GALNTL6: variants seen among roughly 807,000 people sequenced by gnomAD.
The protein encoded by GALNTL6 is polypeptide N-acetylgalactosaminyltransferase-like 6.
In GALNTL6, 46 loss-of-function variants were observed where a neutral mutation model predicts 73.7. The observed-to-expected ratio is 0.62, with a 90% CI of 0.49 to 0.80. The LOEUF is 0.80. Among genes scored for constraint, GALNTL6 ranks in the 30% least tolerant of loss-of-function variants. The pLI, the probability that GALNTL6 is intolerant of heterozygous loss-of-function variation, is 0.00. For synonymous variants in GALNTL6, 259 were observed against 263.7 expected (o/e 0.98, Z 0.17); for missense variants, 604 against 755.0 (o/e 0.80, Z 2.34).
chr4:172,238,715 C>T (rs1310021379), intron 3 of GALNTL6, among the ~76,000 whole-genome samples: 9 of 151,912 alleles, frequency 5.9e-5, no homozygotes, highest in African/African-American at 1.9e-4. Context: ...TTTGTCTGTT[C>T]TGTATGATAT....
chr4:172,225,420 T>C (rs1245134576), intron 2 of GALNTL6, among the ~76,000 whole-genome samples: 1 of 151,392 alleles, frequency 6.6e-6, no homozygotes, highest in Non-Finnish European at 1.5e-5. Flanking sequence ...AATTTGACTT[T>C]TTTTTTTTTT....
chr4:172,986,658 T>C (rs1751300865), intron 10 of GALNTL6, among the ~76,000 whole-genome samples: 1 of 152,210 alleles, frequency 6.6e-6, no homozygotes, highest in Admixed American at 6.5e-5. Flanking sequence ...GGAGGTGGCA[T>C]TGCAGATGGG....
At chr4:172,854,210 T>A (rs2111117329) in intron 7 of GALNTL6, among the ~76,000 whole-genome samples, 1 of 152,294 alleles carries the variant, frequency 6.6e-6, no homozygotes, top group South Asian at 2.1e-4. Flanking sequence ...CACCTTCCCA[T>A]CCACTTTGGC....
At chr4:171,934,843 C>G (rs145854894) in intron 2 of GALNTL6, among the ~76,000 whole-genome samples, 3 of 152,124 alleles carry the variant, frequency 2.0e-5, no homozygotes, top group African/African-American at 7.2e-5. Context: ...TAACCAATTT[C>G]TCTTTAAATC....
chr4:171,979,080 C>T (rs1052214223), intron 2 of GALNTL6, among the ~76,000 whole-genome samples: 2 of 152,094 alleles, frequency 1.3e-5, no homozygotes, highest in Non-Finnish European at 2.9e-5. Flanking sequence ...GCTTACTTCA[C>T]CTAAATTTTC....
intron 9 of GALNTL6, among the ~76,000 whole-genome samples, chr4:172,932,379 G>T (rs1195657288): frequency 6.6e-6 from 1 of 152,166 alleles, no homozygotes; most frequent in Non-Finnish European, 1.5e-5. Context: ...ACTTTTTAAT[G>T]AGTATAACAA....
rs192992308 is a variant in GALNTL6, at chr4:172,772,566, T to C, written c.554-36795T>C. On this transcript the variant is annotated intron_variant, in intron 5 of 12. Coordinates refer to ENST00000506823, the MANE Select transcript of GALNTL6 (RefSeq NM_001034845.3). ...TGAGAAATTTAGGGAAGTATTGTTT[T>C]CTTACAGTTTCATTGGTCTGTTTAT... Among the ~76,000 whole-genome samples, 510 of 127,024 alleles carry C rather than the reference T, an allele frequency of 4.0e-3. 2 individuals carry two copies. The highest frequency in any genetic ancestry group is 0.013 in the African/African-American group (500 of 37,876). 83.3% of individuals were successfully genotyped at this position (127,024 alleles called of 152,430 possible).
chr4:172,350,453 TG>T (rs1405533197), intron 5 of GALNTL6, among the ~76,000 whole-genome samples: 1 of 152,100 alleles, frequency 6.6e-6, no homozygotes, highest in African/African-American at 2.4e-5. Flanking sequence ...TCATGTTAGA[TG>T]GGAAGAAAGT....
chr4:171,996,917 A>G (rs1740511770), intron 2 of GALNTL6, among the ~76,000 whole-genome samples: 1 of 152,152 alleles, frequency 6.6e-6, no homozygotes, highest in Admixed American at 6.6e-5. Context: ...TGAAGTTTAT[A>G]GAACTAGATC....
chr4:172,293,807 A>G (rs1300605124), intron 3 of GALNTL6, among the ~76,000 whole-genome samples: 1 of 151,560 alleles, frequency 6.6e-6, no homozygotes, highest in Non-Finnish European at 1.5e-5. Context: ...GCACATAGTA[A>G]TCACAGCATA....
intron 2 of GALNTL6, among the ~76,000 whole-genome samples, chr4:172,143,059 T>C (rs1733842740): frequency 6.6e-6 from 1 of 152,176 alleles, no homozygotes; most frequent in South Asian, 2.1e-4. Flanking sequence ...AAGCATTTAC[T>C]GGCTGCCTAT....
At chr4:172,117,399 A>G (rs966696545) in intron 2 of GALNTL6, among the ~76,000 whole-genome samples, 8 of 152,186 alleles carry the variant, frequency 5.3e-5, no homozygotes, top group Non-Finnish European at 1.5e-5. Flanking sequence ...ATTATGTGAC[A>G]GGCACGCTTA....
chr4:172,284,835 C>G (rs1739192150), intron 3 of GALNTL6, among the ~76,000 whole-genome samples: 3 of 152,040 alleles, frequency 2.0e-5, no homozygotes, highest in Admixed American at 6.6e-5. Flanking sequence ...TATTCTGTTC[C>G]ATTGGTCTAT....
chr4:173,036,701 G>T (rs1016622792), intron 12 of GALNTL6, among the ~76,000 whole-genome samples: 1 of 152,210 alleles, frequency 6.6e-6, no homozygotes, highest in Non-Finnish European at 1.5e-5. Flanking sequence ...TGAATAGCCA[G>T]AGCACAGGCC....
intron 10 of GALNTL6, among the ~76,000 whole-genome samples, chr4:172,997,792 C>A (rs1254338686): frequency 6.6e-6 from 1 of 152,048 alleles, no homozygotes; most frequent in Non-Finnish European, 1.5e-5. Flanking sequence ...CCGTAAATAC[C>A]CTGACTTGGT....
At chr4:172,065,906 G>C (rs2110890662) in intron 2 of GALNTL6, among the ~76,000 whole-genome samples, 1 of 152,266 alleles carries the variant, frequency 6.6e-6, no homozygotes, top group African/African-American at 2.4e-5. Context: ...CGTGAGAACA[G>C]CATGGGGGAA....
At chr4:171,907,439 G>A (rs1382091225) in intron 2 of GALNTL6, among the ~76,000 whole-genome samples, 1 of 151,650 alleles carries the variant, frequency 6.6e-6, no homozygotes, top group Non-Finnish European at 1.5e-5. Flanking sequence ...ACTTACAAGG[G>A]ATGTGAAGGA....
At chr4:172,909,359 T>TA (rs33941800) in intron 8 of GALNTL6, among the ~76,000 whole-genome samples, 150,942 of 151,144 alleles carry the variant, frequency 1, 75,371 homozygotes, top group Middle Eastern at 1. Flanking sequence ...TTCATTTACA[T>TA]AAAATATTAT....
chr4:172,540,293 G>T (rs1246023933), intron 5 of GALNTL6, among the ~76,000 whole-genome samples: 1 of 151,864 alleles, frequency 6.6e-6, no homozygotes. Context: ...GCCCACCTGG[G>T]CCTCCCAGAG....
Sources: allele counts gnomAD v4.1 joint callset (sites outside exome capture counted in the v4.1 genomes callset), GRCh38; gene constraint gnomAD v4.1.1; transcripts MANE v1.5; gene names NCBI Gene and HGNC (gene_info 2026-07-23, HGNC 2026-07-21).